Variants in SPDL1 observed in about 807,000 individuals in gnomAD.
SPDL1 encodes the protein protein Spindly.
Under a neutral mutation model 79.5 loss-of-function variants are expected in SPDL1, and 85 were observed. The observed-to-expected ratio is 1.07, with a 90% confidence interval of 0.90 to 1.28. The LOEUF is 1.28. SPDL1 is among the 50% of genes most tolerant of loss of function. SPDL1 has a pLI of 0.00. For missense variants in SPDL1, 703 were observed against 697.8 expected (o/e 1.01, Z -0.08); for synonymous variants, 269 against 240.3 (o/e 1.12, Z -1.10).
intron 2 of SPDL1, among the ~76,000 whole-genome samples, chr5:169,590,481 G>A (rs995925346): frequency 3.9e-5 from 6 of 152,166 alleles, no homozygotes; most frequent in Admixed American, 6.5e-5. Context: ...GTTCGTACTT[G>A]TAACATTTTT....
chr5:169,598,838 GTTTC>G (rs1755733390), intron 9 of SPDL1, 130 bp from the exon 10 acceptor site: 1 of 1,217,668 alleles, frequency 8.2e-7, no homozygotes, highest in South Asian at 1.8e-5. Context: ...ATTGTTTATT[GTTTC>G]TTTGTTACTA....
Position 169,604,348 on chromosome 5 carries a change from C to T in SPDL1, c.*141C>T. The T allele has an allele frequency of 1.2e-6, 1 of 821,188 alleles. No individual in the cohort carries two copies. 50.9% of individuals were successfully genotyped at this position (821,188 alleles called of 1,614,324 possible). A position where few individuals can be genotyped will look rare whatever the true frequency, so the allele number is the denominator to read the frequency against. On this transcript the variant is annotated 3_prime_UTR_variant, in exon 12 of 12. Transcript: ENST00000265295. ...CCTGGCATTTTCATGTGCCTTTGAC[C>T]AAGTGTTCAGAATTTGCTTGACTCT...
chr5:169,598,651 A>G, intron 9 of SPDL1, 72 bp downstream of exon 9: 3 of 1,301,836 alleles, frequency 2.3e-6, no homozygotes, highest in South Asian at 1.3e-5. Flanking sequence ...AGTGACTACA[A>G]AGTTTTTTTG....
chr5:169,601,112 C>T (rs975285757), intron 10 of SPDL1, among the ~76,000 whole-genome samples, 168 bp from the exon 11 acceptor site: 1 of 152,100 alleles, frequency 6.6e-6, no homozygotes, highest in African/African-American at 2.4e-5. Context: ...TATATAGATT[C>T]CATGATAAAG....
chr5:169,601,142 G>C (rs3797712), intron 10 of SPDL1, 138 bp from the exon 11 acceptor site: 415,892 of 654,264 alleles, frequency 0.64, 132,952 homozygotes, highest in East Asian at 0.71. Context: ...TAGAAACAAA[G>C]GATGCATTTC....
intron 1 of SPDL1, among the ~76,000 whole-genome samples, chr5:169,584,545 A>G (rs1411563797): frequency 6.6e-6 from 1 of 152,176 alleles, no homozygotes; most frequent in African/African-American, 2.4e-5. Flanking sequence ...CCAGAAATTA[A>G]ATAACTTGTC....
intron 10 of SPDL1, 117 bp from the exon 11 acceptor site, chr5:169,601,163 T>A: frequency 1.3e-6 from 1 of 784,772 alleles, no homozygotes; most frequent in Non-Finnish European, 2.0e-6. Flanking sequence ...AGTGAGGAGA[T>A]GGTTGCATTT....
intron 8 of SPDL1, among the ~76,000 whole-genome samples, chr5:169,597,472 A>G (rs1755649223): frequency 1.3e-5 from 2 of 152,156 alleles, no homozygotes; most frequent in African/African-American, 2.4e-5. Flanking sequence ...ATTAATTATA[A>G]AGGCTTTTAA....
chr5:169,592,705 T>G (rs1201042038), intron 3 of SPDL1, among the ~76,000 whole-genome samples: 6 of 151,932 alleles, frequency 3.9e-5, no homozygotes, highest in Non-Finnish European at 2.9e-5. Flanking sequence ...CTTCCCCCTC[T>G]GGTTGTTATT....
At chr5:169,585,273 T>C (rs756062575) in intron 1 of SPDL1, among the ~76,000 whole-genome samples, 10 of 152,212 alleles carry the variant, frequency 6.6e-5, no homozygotes, top group Non-Finnish European at 1.0e-4. Flanking sequence ...CTTGCACTTA[T>C]CATACTTGTA....
intron 3 of SPDL1, among the ~76,000 whole-genome samples, chr5:169,592,444 T>C (rs1755344116): frequency 6.6e-6 from 1 of 152,120 alleles, no homozygotes; most frequent in African/African-American, 2.4e-5. Context: ...CTCTAACTCC[T>C]GACCTCGTGA....
chr5:169,595,544 A>G (rs1755543428), intron 7 of SPDL1: 1 of 152,206 alleles, frequency 6.6e-6, no homozygotes, highest in Non-Finnish European at 1.5e-5. Context: ...AGTGTAGTAA[A>G]ATACTTAACC....
intron 10 of SPDL1, among the ~76,000 whole-genome samples, chr5:169,600,018 AT>A (rs1755799699): frequency 6.6e-6 from 1 of 152,206 alleles, no homozygotes; most frequent in East Asian, 1.9e-4. Context: ...TCTGCATCTT[AT>A]ATACTACAGA....
chr5:169,589,019 A>AT (rs368537303), intron 2 of SPDL1, among the ~76,000 whole-genome samples: 5 of 152,000 alleles, frequency 3.3e-5, no homozygotes, highest in South Asian at 2.1e-4. Flanking sequence ...TTCTTTTACG[A>AT]TTTTTTTTAG....
In SPDL1 at chr5:169,598,954, C is replaced by A. The variant is rs773551603; in HGVS notation, c.1137-18C>A. 4.6e-6 allele frequency: 7 copies of A among 1,517,008 alleles called. No homozygotes were observed. Among genetic ancestry groups the A allele is most frequent in the Non-Finnish European group, 4.4e-6 (5 of 1,130,954 alleles). 94.0% of individuals were successfully genotyped at this position (1,517,008 alleles called of 1,614,324 possible). A position where few individuals can be genotyped will look rare whatever the true frequency, so the allele number is the denominator to read the frequency against. ...TGCTGTCTTAATACTCGTTGGTTCT[C>A]CTTTTTTATTATCATAGCAAAGAAA... On this transcript the variant is annotated intron_variant, in intron 9 of 11. Transcript: ENST00000265295.
chr5:169,592,742 C>G (rs1451417852), intron 3 of SPDL1, among the ~76,000 whole-genome samples: 2 of 149,556 alleles, frequency 1.3e-5, no homozygotes, highest in African/African-American at 4.9e-5. Flanking sequence ...TTTTCATCAC[C>G]TAAACAAAAA....
rs571567676 is a variant in SPDL1, at chr5:169,593,533, A to G, written c.516A>G (p.Glu172=). ...TGGCTCTTCAAATTGAGCTGACAGA[A>G]ATGGAGAGTATGAAGGTAATTTTTA... ...EMLALQIELT[E]MESMKTTLKE... The change falls in exon 4 of 12, where the codon GAA becomes GAG. Residue 172 remains glutamate (E), a synonymous_variant. Coordinates refer to ENST00000265295, the MANE Select transcript of SPDL1 (RefSeq NM_017785.5). The G allele has an allele frequency of 1.2e-6, 2 of 1,608,780 alleles. No individual in the cohort carries two copies. The highest frequency in any genetic ancestry group is 1.3e-5 in the African/African-American group (1 of 74,716).
Position 169,598,558 on chromosome 5 carries a change from A to G in SPDL1, c.1115A>G (p.Gln372Arg), listed in dbSNP as rs762551619. ...AACACCTATTATACAGATTTACTTC[A>G]GATGAAGCTGGATAACTTAAAGTAA... ...EDNTYYTDLL[Q>R]MKLDNLNKEI... The change falls in exon 9 of 12, where the codon CAG (glutamine) becomes CGG (arginine). Residue 372 changes from glutamine (Q) to arginine (R), a missense_variant. Physicochemically the swap from Gln to Arg is conservative, Grantham distance 43. Transcript: ENST00000265295. The G allele has an allele frequency of 1.2e-6, 2 of 1,612,052 alleles. No homozygotes were observed. The highest frequency in any genetic ancestry group is 1.7e-6 in the Non-Finnish European group (2 of 1,178,332).
At chr5:169,602,233 G>A (rs1179968239) in intron 11 of SPDL1, among the ~76,000 whole-genome samples, 1 of 152,144 alleles carries the variant, frequency 6.6e-6, no homozygotes, top group African/African-American at 2.4e-5. Context: ...AATGTCCCAA[G>A]GGCTTTGTCT....
Sources: gnomAD v4.1 joint callset for allele counts (sites outside exome capture counted in the v4.1 genomes callset) on GRCh38, gnomAD v4.1.1 for gene constraint, MANE v1.5 for transcripts, NCBI Gene and HGNC (gene_info 2026-07-23, HGNC 2026-07-21) for gene names.